The following SCRIB variants were observed in gnomAD, a reference collection of about 807,000 sequenced individuals.
The protein encoded by SCRIB is scribble planar cell polarity protein.
A neutral mutation model predicts 170.0 loss-of-function variants in SCRIB; 72 were observed. That is an observed-to-expected ratio of 0.42 (90% CI 0.35 to 0.52). The LOEUF (loss-of-function observed/expected upper bound fraction) is 0.52, where lower values mean the gene tolerates loss of function less well. Ranked by LOEUF, SCRIB falls within the 20% of genes least tolerant of loss-of-function variation. The pLI is 0.02. For synonymous variants in SCRIB, 1,298 were observed against 1,044.3 expected, an observed-to-expected ratio of 1.24 and a Z score of -4.68; for missense variants, 2,475 against 2,338.5, an observed-to-expected ratio of 1.06 and a Z score of -1.20.
rs550841778 is a variant in SCRIB, at chr8:143,801,181, C to T, written c.3603+2202G>A. Among the ~76,000 whole-genome samples the T allele has an allele frequency of 5.8e-4, 88 of 152,330 alleles. 1 individual carries two copies. The highest frequency in any genetic ancestry group is 2.0e-3 in the African/African-American group (84 of 41,574). On this transcript the variant is annotated intron_variant, in intron 24 of 36. Coordinates refer to ENST00000356994, the MANE Select transcript of SCRIB (RefSeq NM_182706.5). ...CATTTCCCCCAAATCACTGGGGAAGCGACAGACTGTTCAGTCAGTACTGTG... is the reference window on the plus strand; with the variant it reads ...CATTTCCCCCAAATCACTGGGGAAGTGACAGACTGTTCAGTCAGTACTGTG...
chr8:143,791,845 T>TG (rs1563786153), intron 34 of SCRIB, 31 bp downstream of exon 34: 2 of 1,447,150 alleles, frequency 1.4e-6, no homozygotes, highest in South Asian at 2.7e-5. Flanking sequence ...GCCTCGGGGG[T>TG]GAAGGGAAGG....
rs570321399 is a variant in SCRIB, at chr8:143,808,632, C to G, written c.2092G>C (p.Val698Leu). The G allele has an allele frequency of 1.4e-5, 21 of 1,511,856 alleles. No individual in the cohort carries two copies. The South Asian group carries it at 2.7e-4, about 19-fold the overall frequency. The allele number at this position is 1,511,856 out of a possible 1,614,324, so 93.7% of individuals were successfully genotyped here. The change falls in exon 15 of 37, where the codon GTG becomes CTG. Residue 698 changes from valine (V) to leucine (L), a missense_variant. Transcript: ENST00000356994. ...STEEEDKEGAVVSAPSVKGVS... is the reference protein window; with the variant it reads ...STEEEDKEGALVSAPSVKGVS... Reference sequence around the variant, plus strand: ...ACCTTGACAGAGGGCGCAGAAACCACGGCCCCCTCCTTGTCCTCCTCCTCA... The same window carrying G: ...ACCTTGACAGAGGGCGCAGAAACCAGGGCCCCCTCCTTGTCCTCCTCCTCA...
chr8:143,796,558 C>A (rs782008082), intron 24 of SCRIB, among the ~76,000 whole-genome samples: 1 of 152,172 alleles, frequency 6.6e-6, no homozygotes, highest in African/African-American at 2.4e-5. Context: ...GATGCCGTCA[C>A]CACAGAAGAT....
chr8:143,794,776 G>A (rs746804463), intron 27 of SCRIB, among the ~76,000 whole-genome samples: 1 of 152,098 alleles, frequency 6.6e-6, no homozygotes, highest in Non-Finnish European at 1.5e-5. Flanking sequence ...CTCTCGCACC[G>A]CCACTAGAGG....
Position 143,808,852 on chromosome 8 carries a change from G to A in SCRIB, c.1872C>T (p.Ala624=), listed in dbSNP as rs760394397. Residue 624 remains alanine, a synonymous_variant, in exon 15 of 37, where the codon GCC becomes GCT. Coordinates refer to ENST00000356994, the MANE Select transcript of SCRIB (RefSeq NM_182706.5). ...GCATGCCCTGCAGCAGAGCCACAAC[G>A]GCCTCGGGCTGGGGCAGCTTGGAGA... ...FKISKLPQPE[A]VVALLQGMQP... The A allele has an allele frequency of 6.2e-6, 10 of 1,610,818 alleles. No individual in the cohort carries two copies. The highest frequency in any genetic ancestry group is 2.2e-5 in the South Asian group (2 of 91,078).
At chr8:143,797,376 C>T (rs939009817) in intron 24 of SCRIB, among the ~76,000 whole-genome samples, 9 of 152,172 alleles carry the variant, frequency 5.9e-5, no homozygotes, top group Non-Finnish European at 1.0e-4. Flanking sequence ...AGGGAAGGCT[C>T]GGTGGCAGGA....
In SCRIB at chr8:143,810,996, T is replaced by G; in HGVS notation, c.1183A>C (p.Met395Leu). The G allele has an allele frequency of 6.2e-7, 1 of 1,611,556 alleles. No individual in the cohort carries two copies. The highest frequency in any genetic ancestry group is 8.5e-7 in the Non-Finnish European group (1 of 1,179,380). ...LWLAENQAQP[M>L]LRFQTEDDAR... is the part of the protein sequence containing the mutation. ...TCATCCTCCGTCTGGAACCGGAGCA[T>G]GGGCTGCGCCTGGTTCTCTGCCAGC... The change falls in exon 11 of 37, where the codon ATG (methionine) becomes CTG (leucine). Residue 395 changes from methionine (M) to leucine (L), a missense_variant. Coordinates refer to ENST00000356994, the MANE Select transcript of SCRIB (RefSeq NM_182706.5).
At chr8:143,796,581 G>A (rs970517847) in intron 24 of SCRIB, among the ~76,000 whole-genome samples, 1 of 152,198 alleles carries the variant, frequency 6.6e-6, no homozygotes, top group East Asian at 1.9e-4. Flanking sequence ...TGTTTACAAC[G>A]ATGATACAGT....
chr8:143,806,491 C>T lies in SCRIB; in HGVS notation c.2269-7G>A, dbSNP rs1554636625. The T allele has an allele frequency of 5.0e-6, 8 of 1,586,648 alleles. No individual in the cohort carries two copies. In the South Asian group the frequency reaches 8.0e-5, roughly 16 times the overall value. ...CCCGAGAGATGAATATGCCCTAGGG[C>T]ACAGACACGAGCTTGGCAGGGGCCA... is the stretch of plus-strand genomic sequence containing the variant. On this transcript the variant is annotated splice_polypyrimidine_tract_variant and splice_region_variant and intron_variant, in intron 17 of 36. Transcript: ENST00000356994.
In SCRIB at chr8:143,812,347, C is replaced by T; in HGVS notation, c.825G>A (p.Gln275=). 6.2e-7 allele frequency: 1 copy of T among 1,613,852 alleles called. No homozygotes were observed. The highest frequency in any genetic ancestry group is 8.5e-7 in the Non-Finnish European group (1 of 1,179,828). The change falls in exon 9 of 37, where the codon CAG becomes CAA. Residue 275 remains glutamine, a synonymous_variant. Transcript: ENST00000356994. The part of the protein sequence containing the change: ...LKQLSILKVD[Q]NRLCEVTEAI... ...CCTCGGTCACCTCGCACAGCCGATTCTGGTCTACCTTTAGGATGGATAGCT... is the reference window on the plus strand; with the variant it reads ...CCTCGGTCACCTCGCACAGCCGATTTTGGTCTACCTTTAGGATGGATAGCT...
chr8:143,799,933 A>G (rs957086261), intron 24 of SCRIB, among the ~76,000 whole-genome samples: 1 of 152,072 alleles, frequency 6.6e-6, no homozygotes, highest in Non-Finnish European at 1.5e-5. Context: ...TACAGAACCC[A>G]GTGGGCAAAC....
intron 13 of SCRIB, 114 bp from the exon 14 acceptor site, chr8:143,809,832 C>G (rs766608536): frequency 1.6e-6 from 2 of 1,248,812 alleles, no homozygotes; most frequent in Non-Finnish European, 1.1e-6. Flanking sequence ...CCCGACCAGG[C>G]ACCGTTAACG....
chr8:143,792,445 CGTGGGGTGA>C (rs1563787310), intron 31 of SCRIB, 31 bp downstream of exon 31: 1 of 1,502,194 alleles, frequency 6.7e-7, no homozygotes, highest in South Asian at 1.3e-5. Context: ...GGCAGGGGCA[CGTGGGGTGA>C]GTAGGGGGCG....
intron 24 of SCRIB, among the ~76,000 whole-genome samples, chr8:143,797,331 G>A (rs369027746): frequency 1.8e-3 from 275 of 152,320 alleles, no homozygotes; most frequent in Middle Eastern, 6.8e-3. Context: ...GTGAGCCCAC[G>A]TGAACAGGTA....
At chr8:143,807,694 A>G (rs2130100996) in intron 15 of SCRIB, 80 bp from the exon 16 acceptor site, 3 of 1,140,992 alleles carry the variant, frequency 2.6e-6, no homozygotes, top group East Asian at 2.3e-5. Flanking sequence ...CCCCCGCCAC[A>G]AGCAGAAAGG....
chr8:143,803,125 C>T (rs1815242443), intron 24 of SCRIB, among the ~76,000 whole-genome samples: 2 of 152,320 alleles, frequency 1.3e-5, no homozygotes, highest in East Asian at 3.9e-4. Flanking sequence ...ACACACGCCC[C>T]TCCCACCATC....
intron 1 of SCRIB, 41 bp downstream of exon 1, chr8:143,815,172 TG>T (rs1234798341): frequency 6.6e-7 from 1 of 1,514,968 alleles, no homozygotes; most frequent in East Asian, 2.6e-5. Flanking sequence ...AATCACGGGC[TG>T]GGGGCGCGCC....
At chr8:143,814,281 G>T (rs1456415115) in intron 1 of SCRIB, among the ~76,000 whole-genome samples, 163 bp from the exon 2 acceptor site, 1 of 152,070 alleles carries the variant, frequency 6.6e-6, no homozygotes, top group African/African-American at 2.4e-5. Context: ...TGCAAAAAAA[G>T]GAAAGAAACA....
intron 7 of SCRIB, 25 bp downstream of exon 7, chr8:143,813,005 G>A (rs1438376624): frequency 2.5e-6 from 4 of 1,609,564 alleles, no homozygotes; most frequent in Non-Finnish European, 3.4e-6. Flanking sequence ...GCACGAAGCA[G>A]GGGGCCAGCC....
Sources: gnomAD v4.1 joint callset for allele counts (sites outside exome capture counted in the v4.1 genomes callset) on GRCh38, gnomAD v4.1.1 for gene constraint, MANE v1.5 for transcripts, NCBI Gene and HGNC (gene_info 2026-07-23, HGNC 2026-07-21) for gene names.